Variants in SOD2 observed in about 807,000 individuals in gnomAD.
SOD2 encodes the protein superoxide dismutase [Mn], mitochondrial.
SOD2 carries 11 observed loss-of-function variants against 27.0 expected under a neutral mutation model. That is an observed-to-expected ratio of 0.41 (90% CI 0.26 to 0.67). SOD2 has a LOEUF of 0.67. SOD2 is among the 30% of genes least tolerant of loss of function. The pLI is 0.34. For synonymous variants in SOD2, 105 were observed against 103.0 expected (o/e 1.02, Z -0.12); for missense variants, 250 against 274.5 (o/e 0.91, Z 0.63).
intron 1 of SOD2, among the ~76,000 whole-genome samples, chr6:159,711,748 T>C (rs200133524): frequency 0.088 from 1,943 of 22,034 alleles, 8 homozygotes; most frequent in South Asian, 0.13. Flanking sequence ...ACCACTCACA[T>C]TGCTCTGATC....
chr6:159,691,499 A>T (rs1777185776), intron 2 of SOD2: 1 of 152,256 alleles, frequency 6.6e-6, no homozygotes, highest in African/African-American at 2.4e-5. Context: ...AATTCAAAAC[A>T]TTTAAGGAAA....
chr6:159,748,138 C>G, upstream of SOD2: 1 of 1,549,872 alleles, frequency 6.5e-7, no homozygotes, highest in Non-Finnish European at 8.8e-7. This position sits in a 1 kb window ranked among gnomAD's most constrained non-coding sequence, Gnocchi z 5.6. Context: ...TCCCCACCTT[C>G]TTATGTATGT....
intron 1 of SOD2, among the ~76,000 whole-genome samples, chr6:159,722,363 G>GAC (rs1409072101): frequency 6.6e-6 from 1 of 152,178 alleles, no homozygotes; most frequent in East Asian, 1.9e-4. Context: ...CAGCCTGGAT[G>GAC]ACAGAGCAAG....
chr6:159,734,394 T>C (rs1230483811), intron 1 of SOD2, among the ~76,000 whole-genome samples: 1 of 149,252 alleles, frequency 6.7e-6, no homozygotes, highest in Non-Finnish European at 1.5e-5. Flanking sequence ...AAAAAAAAAT[T>C]CAGTTTAACA....
At chr6:159,693,055 G>C (rs1777308588) in intron 1 of SOD2, 90 bp downstream of exon 1, 21 of 1,494,788 alleles carry the variant, frequency 1.4e-5, no homozygotes, top group Non-Finnish European at 1.9e-5. Flanking sequence ...GCCAGGCCCG[G>C]TGCGGCCACT....
At chr6:159,753,561 C>T in intron 1 of SOD2, 1 of 1,614,168 alleles carries the variant, frequency 6.2e-7, no homozygotes, top group Non-Finnish European at 8.5e-7. Flanking sequence ...CAACTTGAAG[C>T]AGAGTTGGCT....
chr6:159,748,939 A>G, upstream of SOD2: 1 of 1,125,930 alleles, frequency 8.9e-7, no homozygotes, highest in Non-Finnish European at 1.1e-6. This position sits in a 1 kb window ranked among gnomAD's most constrained non-coding sequence, Gnocchi z 5.6. Context: ...AATGAGGTGA[A>G]TTTTGCCTTT....
chr6:159,741,824 C>CA (rs1181034187), intron 1 of SOD2: 5 of 295,110 alleles, frequency 1.7e-5, no homozygotes, highest in Admixed American at 5.3e-5. Flanking sequence ...CCCATCTCTA[C>CA]AAAAAAATGA....
chr6:159,714,014 A>G, intron 1 of SOD2: 1 of 730,806 alleles, frequency 1.4e-6, no homozygotes, highest in South Asian at 1.9e-5. Flanking sequence ...CTTGGTGGCA[A>G]GTTTGGCGGA....
At chr6:159,761,884 C>CCCGCGCT (rs1186495625) in exon 1 of SOD2, 1 of 323,556 alleles carries the variant, frequency 3.1e-6, no homozygotes, top group Non-Finnish European at 5.4e-6. Flanking sequence ...CGCCCCGCGC[C>CCCGCGCT]CCGCGCCCCG....
chr6:159,690,284 C>CA (rs11429489), intron 2 of SOD2, among the ~76,000 whole-genome samples: 27,103 of 66,794 alleles, frequency 0.41, 4,445 homozygotes, highest in East Asian at 0.51. Context: ...GAGATTCCGT[C>CA]AAAAAAAAAA....
At chr6:159,717,923 G>A (rs867659003) in intron 1 of SOD2, among the ~76,000 whole-genome samples, 1 of 131,376 alleles carries the variant, frequency 7.6e-6, no homozygotes. Context: ...GTGTGTGTGT[G>A]TGTGTATATG....
intron 1 of SOD2, among the ~76,000 whole-genome samples, chr6:159,735,043 A>G (rs1030557329): frequency 1.3e-5 from 2 of 152,210 alleles, no homozygotes; most frequent in Non-Finnish European, 2.9e-5. Context: ...TGAATTTTGT[A>G]TAATAAAGAA....
At chr6:159,713,099 G>T in intron 1 of SOD2, 2 of 755,872 alleles carry the variant, frequency 2.6e-6, no homozygotes, top group Non-Finnish European at 2.1e-6. Context: ...ATTCTTAGTG[G>T]CTCTGTAAGG....
intron 1 of SOD2, chr6:159,727,025 C>T (rs1312967881): frequency 2.3e-5 from 28 of 1,234,450 alleles, no homozygotes; most frequent in Non-Finnish European, 2.6e-5. Context: ...AGCCCCGCAG[C>T]CGCAGGTGGC....
At position 159,684,566 on chromosome 6, in the gene SOD2, G is replaced by A. The variant is rs766320311; in HGVS notation, c.523+288C>T. On this transcript the variant is annotated intron_variant, in intron 4 of 4. Coordinates refer to ENST00000538183, the MANE Select transcript of SOD2 (RefSeq NM_000636.4). Reference sequence around the variant, plus strand: ...CAGGAGGCGGAGGTTGCAGTGAACCGAGATCGCACCACTGCACTCCAGCCT... The same window carrying A: ...CAGGAGGCGGAGGTTGCAGTGAACCAAGATCGCACCACTGCACTCCAGCCT... Among the ~76,000 whole-genome samples, 52 of 152,026 alleles carry A rather than the reference G, an allele frequency of 3.4e-4. 1 individual carries two copies. The highest frequency in any genetic ancestry group is 8.8e-5 in the Non-Finnish European group (6 of 68,002).
chr6:159,688,307 A>G (rs1421795772), intron 2 of SOD2, 65 bp from the exon 3 acceptor site: 1 of 954,388 alleles, frequency 1.0e-6, no homozygotes, highest in Admixed American at 1.9e-5. Context: ...TGTATACATT[A>G]TATTTTTTTC....
intron 1 of SOD2, chr6:159,720,656 T>C (rs1004162230): frequency 6.6e-6 from 1 of 152,280 alleles, no homozygotes; most frequent in South Asian, 2.1e-4. Flanking sequence ...TAACTATTTA[T>C]TGCTTATAGT....
intron 1 of SOD2, chr6:159,739,177 G>C: frequency 1.5e-6 from 1 of 688,530 alleles, no homozygotes; most frequent in Non-Finnish European, 2.3e-6. Context: ...TGTACTTTTT[G>C]AGCATACTAT....
Sources: allele counts gnomAD v4.1 joint callset (sites outside exome capture counted in the v4.1 genomes callset), GRCh38; gene constraint gnomAD v4.1.1; non-coding constraint Gnocchi (gnomAD v3.1); transcripts MANE v1.5; gene names NCBI Gene and HGNC (gene_info 2026-07-23, HGNC 2026-07-21).